Variants in AJAP1 observed in about 807,000 individuals in gnomAD.
The protein encoded by AJAP1 is adherens junction-associated protein 1.
Under a neutral mutation model 35.0 loss-of-function variants are expected in AJAP1, and 5 were observed. The ratio of observed to expected loss-of-function variants is 0.14; its 90% CI spans 0.07 to 0.30. The LOEUF (loss-of-function observed/expected upper bound fraction) is 0.30. AJAP1 is among the 10% of genes least tolerant of loss of function. The pLI is 1.00. For missense variants in AJAP1, 586 were observed against 571.0 expected (o/e 1.03, Z -0.27); for synonymous variants, 284 against 249.3 (o/e 1.14, Z -1.31).
intron 2 of AJAP1, among the ~76,000 whole-genome samples, chr1:4,748,663 G>A (rs189706848): frequency 4.0e-5 from 6 of 149,680 alleles, no homozygotes; most frequent in Non-Finnish European, 5.9e-5. Flanking sequence ...CAGGAGAATC[G>A]CTTAAACTGG....
intron 1 of AJAP1, among the ~76,000 whole-genome samples, chr1:4,674,250 G>A (rs1191515098): frequency 6.6e-6 from 1 of 152,134 alleles, no homozygotes; most frequent in East Asian, 1.9e-4. Context: ...TGTTCTCTAG[G>A]TCAGGGGTTG....
At chr1:4,769,728 C>T (rs1363763911) in intron 2 of AJAP1, 125 bp from the exon 3 acceptor site, 1 of 804,622 alleles carries the variant, frequency 1.2e-6, no homozygotes, top group South Asian at 1.4e-5. Context: ...CCCCGAGTTC[C>T]CCGCTGCGGA....
In AJAP1 at chr1:4,659,355, C is replaced by T. The variant is rs144821178; in HGVS notation, c.29+3901C>T. On this transcript the variant is annotated intron_variant, in intron 1 of 5. Transcript: ENST00000378191. ...TTTCTCCTGCCTGATGCCAATCAGA[C>T]ACAAGGAGGAGACAGGAGCAGGGGC... Among the ~76,000 whole-genome samples the T allele has an allele frequency of 3.3e-5, 5 of 152,244 alleles. No individual in the cohort carries two copies. In the East Asian group the frequency reaches 9.7e-4, roughly 29 times the overall value.
Position 4,700,576 on chromosome 1 carries a change from A to T in AJAP1, c.30-11324A>T, listed in dbSNP as rs115525796. On this transcript the variant is annotated intron_variant, in intron 1 of 5. Transcript: ENST00000378191. ...TGAGGTTCCCAGCCAGTGAGTTCTG[A>T]TCCTGCCCCATTCGCGTCTTTTGCC... is the stretch of plus-strand genomic sequence containing the variant. Among the ~76,000 whole-genome samples the T allele has an allele frequency of 8.4e-4, 128 of 152,222 alleles. 1 individual carries two copies. The highest frequency in any genetic ancestry group is 2.8e-3 in the African/African-American group (115 of 41,554).
chr1:4,756,389 G>T (rs1641434095), intron 2 of AJAP1, among the ~76,000 whole-genome samples: 1 of 152,192 alleles, frequency 6.6e-6, no homozygotes, highest in Non-Finnish European at 1.5e-5. Context: ...TAGTCTCATG[G>T]CATGGCCTGA....
At chr1:4,738,840 C>T (rs1314033735) in intron 2 of AJAP1, among the ~76,000 whole-genome samples, 1 of 152,148 alleles carries the variant, frequency 6.6e-6, no homozygotes, top group Non-Finnish European at 1.5e-5. Flanking sequence ...CTTGACTTGG[C>T]TCTTCCATGA....
intron 2 of AJAP1, among the ~76,000 whole-genome samples, chr1:4,754,482 T>G (rs1641384629): frequency 6.6e-6 from 1 of 152,156 alleles, no homozygotes; most frequent in Non-Finnish European, 1.5e-5. Context: ...TTCCAGTCTC[T>G]CAGGCAGCCC....
chr1:4,671,577 A>G (rs1377623914), intron 1 of AJAP1, among the ~76,000 whole-genome samples: 1 of 151,950 alleles, frequency 6.6e-6, no homozygotes, highest in East Asian at 1.9e-4. Context: ...CACCACCGGG[A>G]ACAAATGCAC....
intron 1 of AJAP1, among the ~76,000 whole-genome samples, chr1:4,676,678 G>T (rs1484814925): frequency 6.6e-6 from 1 of 152,162 alleles, no homozygotes; most frequent in African/African-American, 2.4e-5. Flanking sequence ...CTGTCATCTG[G>T]CCTTTGGGGA....
At chr1:4,736,647 T>C (rs1167861397) in intron 2 of AJAP1, among the ~76,000 whole-genome samples, 1 of 152,262 alleles carries the variant, frequency 6.6e-6, no homozygotes, top group East Asian at 1.9e-4. Context: ...GCTTTTTGAT[T>C]CTTTTTATCC....
chr1:4,724,553 C>G (rs545911025), intron 2 of AJAP1, among the ~76,000 whole-genome samples: 42 of 152,272 alleles, frequency 2.8e-4, no homozygotes, highest in African/African-American at 1.0e-3. Flanking sequence ...TCGCTCCTCC[C>G]CAGCCCCTCG....
chr1:4,655,953 G>T lies in AJAP1; in HGVS notation c.29+499G>T, dbSNP rs1638872078. ...ACTCCGCTCCCCCTTCTCCTTTCTC[G>T]GGGCCCCGGGGCTGAGCAGGGGCCT... On this transcript the variant is annotated intron_variant, in intron 1 of 5. Coordinates refer to ENST00000378191, the MANE Select transcript of AJAP1 (RefSeq NM_018836.4). This position sits in a 1 kb window ranked among gnomAD's most constrained non-coding sequence, Gnocchi z 6.9. Among the ~76,000 whole-genome samples, 2 of 151,914 alleles carry T rather than the reference G, an allele frequency of 1.3e-5. No homozygotes were observed. Among genetic ancestry groups the T allele is most frequent in the Non-Finnish European group, 2.9e-5 (2 of 67,962 alleles).
At chr1:4,771,679 TAA>T in intron 3 of AJAP1, among the ~76,000 whole-genome samples, 1 of 152,250 alleles carries the variant, frequency 6.6e-6, no homozygotes, top group East Asian at 1.9e-4. Context: ...AACTAGACCA[TAA>T]CAGGCAGGCA....
At chr1:4,737,163 A>G (rs746710284) in intron 2 of AJAP1, among the ~76,000 whole-genome samples, 6 of 152,166 alleles carry the variant, frequency 3.9e-5, no homozygotes, top group Non-Finnish European at 5.9e-5. Flanking sequence ...GCAGTTTACT[A>G]TGGGGCTGTG....
intron 2 of AJAP1, among the ~76,000 whole-genome samples, chr1:4,736,457 T>TC (rs1640926030): frequency 6.6e-6 from 1 of 152,112 alleles, no homozygotes; most frequent in East Asian, 1.9e-4. Context: ...CACAAGTACT[T>TC]CCCCTCCCAC....
rs529195527 is a variant in AJAP1 at position 4,720,618 on chromosome 1, G to A, written c.829+7919G>A. On this transcript the variant is annotated intron_variant, in intron 2 of 5. Transcript: ENST00000378191. This position sits in a 1 kb window ranked among gnomAD's most constrained non-coding sequence, Gnocchi z 4.4. ...CAAGGCTGTTCTGAGACTGGACCAT[G>A]CCAGCACATGTGGGAAACTGAGCGC... is the stretch of plus-strand genomic sequence containing the variant. Among the ~76,000 whole-genome samples, 1 of 152,342 alleles carries A rather than the reference G, an allele frequency of 6.6e-6. No individual in the cohort carries two copies. The highest frequency in any genetic ancestry group is 1.9e-4 in the East Asian group (1 of 5,178).
intron 1 of AJAP1, among the ~76,000 whole-genome samples, chr1:4,688,480 G>T (rs2100221177): frequency 6.6e-6 from 1 of 152,218 alleles, no homozygotes; most frequent in Middle Eastern, 3.4e-3. Flanking sequence ...GAAAAGAAAG[G>T]ATCCTGATGG....
intron 5 of AJAP1, among the ~76,000 whole-genome samples, chr1:4,776,462 C>T (rs1182311173): frequency 2.0e-5 from 3 of 152,148 alleles, no homozygotes; most frequent in African/African-American, 4.8e-5. Flanking sequence ...TGCCTGGCTC[C>T]GGGACATCCC....
At chr1:4,735,130 C>T (rs1472103003) in intron 2 of AJAP1, among the ~76,000 whole-genome samples, 1 of 152,214 alleles carries the variant, frequency 6.6e-6, no homozygotes, top group Non-Finnish European at 1.5e-5. Context: ...AGCTCCGCAC[C>T]AGCGGCAGGA....
Sources: gnomAD v4.1 joint callset for allele counts (sites outside exome capture counted in the v4.1 genomes callset) on GRCh38, gnomAD v4.1.1 for gene constraint, Gnocchi (gnomAD v3.1) non-coding constraint, MANE v1.5 for transcripts, NCBI Gene and HGNC (gene_info 2026-07-23, HGNC 2026-07-21) for gene names.